Variants in AKAP6 observed in about 807,000 individuals in gnomAD.
AKAP6 encodes the protein A-kinase anchoring protein 6.
Under a neutral mutation model 188.5 loss-of-function variants are expected in AKAP6, and 58 were observed. That is an observed-to-expected ratio of 0.31 (90% CI 0.25 to 0.38). The LOEUF (loss-of-function observed/expected upper bound fraction) is 0.38. Among genes scored for constraint, AKAP6 ranks in the 10% least tolerant of loss-of-function variants. The probability of loss-of-function intolerance (pLI) is 1.00; values close to 1 mark genes in which losing one functional copy is unlikely to be tolerated. For missense variants in AKAP6, 2,710 were observed against 2,740.0 expected (o/e 0.99, Z 0.24); for synonymous variants, 989 against 998.6 (o/e 0.99, Z 0.18).
chr14:32,558,941 G>A (rs181959639), intron 4 of AKAP6, among the ~76,000 whole-genome samples: 19 of 152,274 alleles, frequency 1.2e-4, no homozygotes, highest in African/African-American at 3.9e-4. Flanking sequence ...TTGGAAATTA[G>A]CCTCTAAGCT....
At chr14:32,750,892 G>GCA (rs2032107675) in intron 11 of AKAP6, among the ~76,000 whole-genome samples, 2 of 151,594 alleles carry the variant, frequency 1.3e-5, no homozygotes, top group Non-Finnish European at 1.5e-5. Flanking sequence ...CTGCCACCAT[G>GCA]CCCGGCTAAT....
At chr14:32,478,639 C>G (rs1951196) in intron 2 of AKAP6, among the ~76,000 whole-genome samples, 40,815 of 152,048 alleles carry the variant, frequency 0.27, 5,934 homozygotes, top group Non-Finnish European at 0.31. Context: ...GCTCAAGGCT[C>G]GTCAGGGGAA....
chr14:32,430,401 T>C (rs1180859047), intron 1 of AKAP6, among the ~76,000 whole-genome samples: 3 of 152,192 alleles, frequency 2.0e-5, no homozygotes, highest in Non-Finnish European at 4.4e-5. Flanking sequence ...ATGTTGCAGG[T>C]TGGGACATAA....
In AKAP6 at chr14:32,823,945, T is replaced by G; in HGVS notation, c.6132T>G (p.Asp2044Glu). The G allele has an allele frequency of 6.2e-7, 1 of 1,613,990 alleles. No individual in the cohort carries two copies. Among genetic ancestry groups the G allele is most frequent in the Admixed American group, 1.7e-5 (1 of 59,948 alleles). Residue 2044 changes from aspartate (D) to glutamate (E), a missense_variant, in exon 13 of 14, where the codon GAT (aspartate) becomes GAG (glutamate). Physicochemically the swap from Asp to Glu is conservative, Grantham distance 45. Transcript: ENST00000280979. ...SNISCCNCEPDVFHQKDAEDC... is the reference protein window; with the variant it reads ...SNISCCNCEPEVFHQKDAEDC... ...TTTCCTGTTGCAACTGTGAGCCAGA[T>G]GTTTTCCATCAAAAAGATGCCGAAG... is the stretch of plus-strand genomic sequence containing the variant.
intron 2 of AKAP6, chr14:32,474,433 CA>C (rs1179611507): frequency 6.6e-6 from 1 of 152,128 alleles, no homozygotes; most frequent in Non-Finnish European, 1.5e-5. Flanking sequence ...TTTTGTGGGT[CA>C]AAGGCAATTG....
At chr14:32,668,624 T>A (rs904975142) in intron 7 of AKAP6, among the ~76,000 whole-genome samples, 6 of 152,114 alleles carry the variant, frequency 3.9e-5, no homozygotes, top group Non-Finnish European at 7.4e-5. Flanking sequence ...TTTAAAGTAA[T>A]GTATTATTTT....
chr14:32,496,627 C>G (rs963522215), intron 2 of AKAP6, among the ~76,000 whole-genome samples: 7 of 151,732 alleles, frequency 4.6e-5, no homozygotes, highest in Non-Finnish European at 7.4e-5. Flanking sequence ...ATATTAATGT[C>G]ACTAATATAC....
intron 1 of AKAP6, among the ~76,000 whole-genome samples, chr14:32,379,004 C>T (rs1014187177): frequency 2.6e-5 from 4 of 151,520 alleles, no homozygotes; most frequent in African/African-American, 4.9e-5. Flanking sequence ...CTGCAACCTC[C>T]GCCTCCTGGG....
Position 32,373,491 on chromosome 14 carries a change from T to C in AKAP6, c.-35+44083T>C, listed in dbSNP as rs369724772. On this transcript the variant is annotated intron_variant, in intron 1 of 13. Transcript: ENST00000280979. ...GGCTGCAAAATATCTCAAGCACTGATCTTAGGTGCAGTTTAGGGAGGGTCG... is the reference window on the plus strand; with the variant it reads ...GGCTGCAAAATATCTCAAGCACTGACCTTAGGTGCAGTTTAGGGAGGGTCG... 4.6e-5 allele frequency: 7 copies of C among 152,254 alleles called. No individual in the cohort carries two copies. In the East Asian group the frequency reaches 1.4e-3, roughly 29 times the overall value. 9.4% of individuals were successfully genotyped at this position (152,254 alleles called of 1,614,324 possible). A position where few individuals can be genotyped will look rare whatever the true frequency, so the allele number is the denominator to read the frequency against.
intron 1 of AKAP6, among the ~76,000 whole-genome samples, chr14:32,353,182 C>T (rs771966733): frequency 6.6e-6 from 1 of 152,160 alleles, no homozygotes; most frequent in Non-Finnish European, 1.5e-5. Flanking sequence ...CCATGTCCTA[C>T]CTCCTTGGTA....
chr14:32,810,111 C>A (rs17099548), intron 12 of AKAP6, among the ~76,000 whole-genome samples: 1,840 of 152,274 alleles, frequency 0.012, 36 homozygotes, highest in African/African-American at 0.042. Context: ...CAGTGTCTTA[C>A]ATCTCTGTGC....
chr14:32,609,880 GACACACACACACACACACAC>G (rs71115085), intron 7 of AKAP6, among the ~76,000 whole-genome samples: 3 of 137,426 alleles, frequency 2.2e-5, no homozygotes, highest in East Asian at 2.3e-4. Context: ...CTCTCTCTCT[GACACACACACACACACACAC>G]ACACACACAC....
intron 2 of AKAP6, among the ~76,000 whole-genome samples, chr14:32,462,922 A>AAAAACAAAAAG (rs1566517637): frequency 2.0e-5 from 3 of 148,134 alleles, no homozygotes; most frequent in Admixed American, 6.7e-5. Context: ...AAAAAAAAAA[A>AAAAACAAAAAG]AAAACCCGGG....
chr14:32,482,526 T>G (rs574536213), intron 2 of AKAP6, among the ~76,000 whole-genome samples: 1 of 152,352 alleles, frequency 6.6e-6, no homozygotes, highest in South Asian at 2.1e-4. Flanking sequence ...ACTACTGTTC[T>G]GCTTTTCTTT....
At position 32,546,919 on chromosome 14, in the gene AKAP6, A is replaced by T. The variant is rs1460851445; in HGVS notation, c.2266A>T (p.Thr756Ser). Reference protein sequence around the residue: ...SSEKNESHSATKSALIQKLMQ... With the variant: ...SSEKNESHSASKSALIQKLMQ... ...TGAGAAAAATGAGAGCCATTCTGCC[A>T]CTAAATCAGCTTTAATTCAGAAACT... is the stretch of plus-strand genomic sequence containing the variant. The change falls in exon 4 of 14, where the codon ACT (threonine) becomes TCT (serine). Residue 756 changes from threonine (T) to serine (S), a missense_variant. Thr to Ser is a moderately conservative substitution (Grantham distance 58). Coordinates refer to ENST00000280979, the MANE Select transcript of AKAP6 (RefSeq NM_004274.5). 8.7e-6 allele frequency: 14 copies of T among 1,613,432 alleles called. No individual in the cohort carries two copies. Among genetic ancestry groups the T allele is most frequent in the Non-Finnish European group, 1.1e-5 (13 of 1,180,014 alleles).
chr14:32,635,482 C>T (rs183010472), intron 7 of AKAP6, among the ~76,000 whole-genome samples: 4 of 152,110 alleles, frequency 2.6e-5, no homozygotes, highest in Admixed American at 6.6e-5. Context: ...ATTATGAAAT[C>T]GAAAGTAATT....
intron 2 of AKAP6, among the ~76,000 whole-genome samples, chr14:32,502,500 T>C (rs1880655628): frequency 6.6e-6 from 1 of 152,120 alleles, no homozygotes; most frequent in African/African-American, 2.4e-5. Context: ...GAGCCAAAAA[T>C]TTAAAAATAT....
At chr14:32,467,078 A>G (rs916251876) in intron 2 of AKAP6, among the ~76,000 whole-genome samples, 1 of 151,566 alleles carries the variant, frequency 6.6e-6, no homozygotes, top group Non-Finnish European at 1.5e-5. Context: ...GTACGGATGG[A>G]AAAACTACCT....
chr14:32,773,393 T>C (rs2032956744), intron 11 of AKAP6, among the ~76,000 whole-genome samples: 1 of 152,168 alleles, frequency 6.6e-6, no homozygotes, highest in Admixed American at 6.6e-5. Context: ...ATTTATTTCA[T>C]TAGGCTAGAA....
Sources: allele counts gnomAD v4.1 joint callset (sites outside exome capture counted in the v4.1 genomes callset), GRCh38; gene constraint gnomAD v4.1.1; transcripts MANE v1.5; gene names NCBI Gene and HGNC (gene_info 2026-07-23, HGNC 2026-07-21).